Variants in CAP2 observed in about 807,000 individuals in gnomAD.
CAP2 encodes the protein adenylyl cyclase-associated protein 2.
In CAP2, 24 loss-of-function variants were observed where a neutral mutation model predicts 57.7. The observed-to-expected ratio is 0.42, with a 90% CI of 0.30 to 0.58. The LOEUF (loss-of-function observed/expected upper bound fraction) is 0.58, where lower values mean the gene tolerates loss of function less well. CAP2 is among the 20% of genes least tolerant of loss of function. CAP2 has a pLI of 0.22. For synonymous variants in CAP2, 194 were observed against 207.2 expected, an observed-to-expected ratio of 0.94 and a Z score of 0.55; for missense variants, 501 against 590.3, an observed-to-expected ratio of 0.85 and a Z score of 1.57.
intron 3 of CAP2, among the ~76,000 whole-genome samples, chr6:17,435,213 T>C (rs1759841417): frequency 9.4e-6 from 1 of 105,954 alleles, no homozygotes; most frequent in Non-Finnish European, 1.9e-5. Context: ...ATCATGCTGC[T>C]ATAAAGACAC....
chr6:17,433,487 A>G (rs1211965371), intron 3 of CAP2, among the ~76,000 whole-genome samples: 1 of 152,200 alleles, frequency 6.6e-6, no homozygotes, highest in African/African-American at 2.4e-5. Flanking sequence ...TCTTTCTAGA[A>G]GAGGAGGATA....
intron 4 of CAP2, among the ~76,000 whole-genome samples, chr6:17,485,789 A>G (rs1761403955): frequency 6.6e-6 from 1 of 152,226 alleles, no homozygotes; most frequent in Non-Finnish European, 1.5e-5. Context: ...GAGATGCATA[A>G]GAACCTTCTA....
chr6:17,410,046 C>G lies in CAP2; in HGVS notation c.-1-11509C>G, dbSNP rs75471291. On this transcript the variant is annotated intron_variant, in intron 1 of 12. Coordinates refer to ENST00000229922, the MANE Select transcript of CAP2 (RefSeq NM_006366.3). ...TTTACTCGTCATTCATGCTTCCATG[C>G]GTTTGCATATGGAGGCATAGGCGGT... Among the ~76,000 whole-genome samples, 1,042 of 152,292 alleles carry G rather than the reference C, an allele frequency of 6.8e-3. 18 individuals carry two copies. Among genetic ancestry groups the G allele is most frequent in the East Asian group, 0.043 (221 of 5,180 alleles).
chr6:17,486,539 C>G (rs919984329), intron 4 of CAP2, among the ~76,000 whole-genome samples: 3 of 152,110 alleles, frequency 2.0e-5, no homozygotes, highest in African/African-American at 7.2e-5. Flanking sequence ...CCAGGAGGTC[C>G]AGGCTGCAGT....
At chr6:17,435,717 T>A (rs978997729) in intron 3 of CAP2, among the ~76,000 whole-genome samples, 568 of 77,026 alleles carry the variant, frequency 7.4e-3, no homozygotes, top group Middle Eastern at 0.047. Context: ...AGTTTACGGA[T>A]AAAAAAAAAA....
chr6:17,463,123 A>G (rs753287490), intron 4 of CAP2, 50 bp downstream of exon 4: 1 of 1,342,114 alleles, frequency 7.5e-7, no homozygotes, highest in Non-Finnish European at 1.1e-6. Context: ...GCGCAGTGTA[A>G]GATGGAAAAC....
chr6:17,491,723 G>A (rs931707245), intron 4 of CAP2, among the ~76,000 whole-genome samples: 8 of 152,180 alleles, frequency 5.3e-5, no homozygotes, highest in Non-Finnish European at 2.9e-5. Flanking sequence ...ATGATCTTGG[G>A]CAAGTTACTA....
chr6:17,541,674 C>T (rs111634486), intron 9 of CAP2, among the ~76,000 whole-genome samples: 2,036 of 152,152 alleles, frequency 0.013, 54 homozygotes, highest in African/African-American at 0.046. Flanking sequence ...CATTTCAAGG[C>T]CTCTTTTCTA....
chr6:17,398,980 T>C (rs1354183907), intron 1 of CAP2, among the ~76,000 whole-genome samples: 1 of 152,194 alleles, frequency 6.6e-6, no homozygotes, highest in Non-Finnish European at 1.5e-5. Context: ...TCTTCCACAA[T>C]CCATGGCAAC....
rs141863829 is a variant in CAP2 at position 17,421,605 on chromosome 6, G to T, written c.50G>T (p.Arg17Leu). Residue 17 changes from arginine to leucine, a missense_variant, in exon 2 of 13, where the codon CGC (arginine) becomes CTC (leucine). Physicochemically the swap from Arg to Leu is moderately radical, Grantham distance 102. Coordinates refer to ENST00000229922, the MANE Select transcript of CAP2 (RefSeq NM_006366.3). Reference sequence around the variant, plus strand: ...GAAAGACTGGAACGAGCTGTCAGCCGCCTGGAGTCGCTGTCTGCAGAGTCC... The same window carrying T: ...GAAAGACTGGAACGAGCTGTCAGCCTCCTGGAGTCGCTGTCTGCAGAGTCC... ...LVERLERAVS[R>L]LESLSAESHR... is the part of the protein sequence containing the mutation. The T allele has an allele frequency of 9.9e-6, 16 of 1,613,876 alleles. No homozygotes were observed. The Admixed American group carries it at 1.0e-4, about 10-fold the overall frequency.
chr6:17,426,491 T>C (rs112214408), intron 2 of CAP2, 99 bp from the exon 3 acceptor site: 78,846 of 822,684 alleles, frequency 0.096, 4,346 homozygotes, highest in African/African-American at 0.16. Context: ...TGCCTCGGAC[T>C]CCCAAAGTGC....
intron 4 of CAP2, among the ~76,000 whole-genome samples, chr6:17,472,614 A>T (rs1045119865): frequency 8.5e-5 from 13 of 152,222 alleles, no homozygotes; most frequent in Non-Finnish European, 1.8e-4. Flanking sequence ...TGAGCCTTCC[A>T]ATGGCAAGAG....
intron 4 of CAP2, among the ~76,000 whole-genome samples, chr6:17,485,501 T>C (rs2113628046): frequency 6.6e-6 from 1 of 152,278 alleles, no homozygotes; most frequent in African/African-American, 2.4e-5. Flanking sequence ...ATGGTGACTT[T>C]GGACTCACCC....
At chr6:17,517,533 T>C (rs940192877) in intron 7 of CAP2, among the ~76,000 whole-genome samples, 3 of 152,232 alleles carry the variant, frequency 2.0e-5, no homozygotes, top group African/African-American at 7.2e-5. Context: ...TATTTCATTT[T>C]TTATAAAATT....
intron 4 of CAP2, among the ~76,000 whole-genome samples, chr6:17,464,261 C>T (rs967658247): frequency 6.6e-6 from 1 of 152,196 alleles, no homozygotes; most frequent in Non-Finnish European, 1.5e-5. Context: ...AAATATTCTG[C>T]ATCCGAAGTT....
intron 6 of CAP2, among the ~76,000 whole-genome samples, chr6:17,511,175 A>G (rs555677363): frequency 8.5e-5 from 13 of 152,166 alleles, no homozygotes; most frequent in Non-Finnish European, 1.8e-4. Flanking sequence ...TGCTAGGAGT[A>G]GTCAAAGCAC....
At chr6:17,507,073 C>T in intron 4 of CAP2, 96 bp from the exon 5 acceptor site, 1 of 1,180,894 alleles carries the variant, frequency 8.5e-7, no homozygotes, top group East Asian at 2.3e-5. Context: ...TAACAGACGG[C>T]AGGTCCTGAA....
At chr6:17,425,151 C>T (rs553917833) in intron 2 of CAP2, among the ~76,000 whole-genome samples, 59 of 152,302 alleles carry the variant, frequency 3.9e-4, no homozygotes, top group Non-Finnish European at 6.9e-4. Context: ...AAGACACTCT[C>T]CTAATAGTTT....
intron 11 of CAP2, 58 bp from the exon 12 acceptor site, chr6:17,551,406 G>A (rs1186963041): frequency 2.2e-5 from 30 of 1,349,470 alleles, no homozygotes; most frequent in Admixed American, 5.8e-5. Flanking sequence ...GTATTTATTC[G>A]AGGGCATTGT....
Sources: gnomAD v4.1 joint callset for allele counts (sites outside exome capture counted in the v4.1 genomes callset) on GRCh38, gnomAD v4.1.1 for gene constraint, MANE v1.5 for transcripts, NCBI Gene and HGNC (gene_info 2026-07-23, HGNC 2026-07-21) for gene names.